USP30: variants seen among roughly 807,000 people sequenced by gnomAD.
USP30 encodes the protein ubiquitin specific peptidase 30.
In USP30, 41 loss-of-function variants were observed where a neutral mutation model predicts 68.2. That is an observed-to-expected ratio of 0.60 (90% confidence interval 0.47 to 0.78). The LOEUF is 0.78. Among genes scored for constraint, USP30 ranks in the 30% least tolerant of loss-of-function variants. USP30 has a pLI of 0.00. For synonymous variants in USP30, 229 were observed against 253.7 expected, an observed-to-expected ratio of 0.90 and a Z score of 0.93; for missense variants, 522 against 649.4, an observed-to-expected ratio of 0.80 and a Z score of 2.13.
intron 3 of USP30, among the ~76,000 whole-genome samples, chr12:109,044,244 G>A (rs1253293656): frequency 6.6e-6 from 1 of 151,908 alleles, no homozygotes; most frequent in Non-Finnish European, 1.5e-5. Context: ...TGTTTAACAG[G>A]TACAGAATTT....
intron 2 of USP30, among the ~76,000 whole-genome samples, chr12:109,026,749 T>A (rs1241337448): frequency 6.6e-6 from 1 of 152,118 alleles, no homozygotes; most frequent in African/African-American, 2.4e-5. Context: ...ATTACAGGTG[T>A]GAGCCACTAC....
chr12:109,067,414 G>A, intron 3 of USP30, 110 bp from the exon 4 acceptor site: 1 of 959,834 alleles, frequency 1.0e-6, no homozygotes, highest in Non-Finnish European at 1.6e-6. Flanking sequence ...ACCACACCCA[G>A]CCTGCGGTCT....
intron 3 of USP30, among the ~76,000 whole-genome samples, chr12:109,058,494 C>T (rs954992682): frequency 1.3e-5 from 2 of 151,942 alleles, no homozygotes; most frequent in Non-Finnish European, 2.9e-5. Flanking sequence ...ATCGCTTGAA[C>T]CCGGGAGGCG....
intron 3 of USP30, among the ~76,000 whole-genome samples, chr12:109,029,960 T>A (rs2047081997): frequency 6.6e-6 from 1 of 152,190 alleles, no homozygotes; most frequent in Non-Finnish European, 1.5e-5. Flanking sequence ...TCCTCTCCCA[T>A]CTGTACAACA....
chr12:109,048,717 G>A (rs755030621), upstream of USP30, among the ~76,000 whole-genome samples: 197 of 138,220 alleles, frequency 1.4e-3, 5 homozygotes, highest in Non-Finnish European at 2.0e-4. Flanking sequence ...TCCAGCCTGG[G>A]CAACAGAGTG....
chr12:109,046,349 G>A (rs956611780), intron 3 of USP30, among the ~76,000 whole-genome samples: 2 of 151,130 alleles, frequency 1.3e-5, no homozygotes, highest in African/African-American at 2.4e-5. Context: ...TCCTGACCTC[G>A]TGATCTGCCC....
intron 1 of USP30, chr12:109,054,017 ATCTG>A: frequency 2.2e-6 from 1 of 455,940 alleles, no homozygotes; most frequent in African/African-American, 2.0e-5. Flanking sequence ...TAGAACCTGC[ATCTG>A]TGGGGTTGTT....
rs1360954694 is a variant in USP30, at chr12:109,052,756, C to A, written c.78C>A (p.Ala26=). The A allele has an allele frequency of 4.8e-6, 7 of 1,450,934 alleles. No individual in the cohort carries two copies. The highest frequency in any genetic ancestry group is 3.0e-5 in the African/African-American group (2 of 67,386). 89.9% of individuals were successfully genotyped at this position (1,450,934 alleles called of 1,614,324 possible). The change falls in exon 1 of 13, where the codon GCC becomes GCA. Residue 26 remains alanine (A), a synonymous_variant. Transcript: ENST00000257548. ...AGCGCTTCCTGCGGACCGGGGCGGC[C>A]GTCAGGTGAGATTTTGGGGGGCGGG... ...AIQRFLRTGA[A]VRYKVMKNWG... is the part of the protein sequence containing the mutation.
intron 2 of USP30, 22 bp downstream of exon 2, chr12:109,056,813 C>G (rs756488757): frequency 6.4e-7 from 1 of 1,557,508 alleles, no homozygotes; most frequent in Non-Finnish European, 8.8e-7. Flanking sequence ...AACACTGCAT[C>G]ATGGTCTGTA....
intron 7 of USP30, among the ~76,000 whole-genome samples, chr12:109,080,812 A>G (rs1356094639): frequency 6.6e-6 from 1 of 152,210 alleles, no homozygotes; most frequent in Non-Finnish European, 1.5e-5. Flanking sequence ...ACAGTTGCTT[A>G]CAGCATTCAG....
At chr12:109,038,828 A>G (rs760061896) in intron 3 of USP30, among the ~76,000 whole-genome samples, 3 of 152,228 alleles carry the variant, frequency 2.0e-5, no homozygotes, top group African/African-American at 7.2e-5. Context: ...GTGGTATTAT[A>G]TAATGGTGTT....
chr12:109,084,949 G>T lies in USP30; in HGVS notation c.1169-4G>T. The T allele has an allele frequency of 6.4e-7, 1 of 1,571,476 alleles. No homozygotes were observed. Among genetic ancestry groups the T allele is most frequent in the Non-Finnish European group, 8.6e-7 (1 of 1,156,924 alleles). On this transcript the variant is annotated splice_region_variant and splice_polypyrimidine_tract_variant and intron_variant, in intron 11 of 12. Coordinates refer to ENST00000257548, the MANE Select transcript of USP30 (RefSeq NM_032663.5). The stretch of plus-strand genomic sequence containing the variant: ...TCATTGACTCGGGCCTTTTTCTCTT[G>T]CAGTTCTGAATCAGCCAGGGGCCCC...
In USP30 at chr12:109,082,869, A is replaced by G. The variant is rs756150308; in HGVS notation, c.975A>G (p.Leu325=). 2 of 1,614,176 alleles carry G rather than the reference A, an allele frequency of 1.2e-6. No individual in the cohort carries two copies. Among genetic ancestry groups the G allele is most frequent in the Non-Finnish European group, 8.5e-7 (1 of 1,179,998 alleles). The change falls in exon 11 of 13, where the codon CTA becomes CTG. Residue 325 remains leucine, a synonymous_variant. Coordinates refer to ENST00000257548, the MANE Select transcript of USP30 (RefSeq NM_032663.5). ...TCCCTCAGTGTCTCTGCATCCACCT[A>G]CAGCGGCTGAGCTGGTCCAGCCACG... ...GKLPQCLCIH[L]QRLSWSSHGT...
chr12:109,084,610 T>A (rs757839801), intron 11 of USP30, among the ~76,000 whole-genome samples: 8 of 152,222 alleles, frequency 5.3e-5, no homozygotes, highest in Non-Finnish European at 1.0e-4. Flanking sequence ...ACCATCATGG[T>A]GCTGCTGTTG....
intron 11 of USP30, among the ~76,000 whole-genome samples, chr12:109,084,575 C>T (rs571726191): frequency 5.9e-5 from 9 of 152,198 alleles, no homozygotes; most frequent in African/African-American, 1.4e-4. Context: ...GGACAGCCCC[C>T]GCAACAAAGA....
intron 1 of USP30, among the ~76,000 whole-genome samples, chr12:109,055,599 C>G (rs1438925707): frequency 2.0e-5 from 3 of 146,538 alleles, no homozygotes; most frequent in Admixed American, 7.0e-5. Context: ...AGGGTTTCAC[C>G]GTGTTGGCCA....
intron 7 of USP30, 93 bp downstream of exon 7, chr12:109,073,625 A>T: frequency 8.8e-7 from 1 of 1,142,850 alleles, no homozygotes; most frequent in Non-Finnish European, 1.3e-6. Flanking sequence ...GACATCGGTC[A>T]CTGGTGTTAG....
chr12:109,081,823 A>AT, intron 8 of USP30, 110 bp from the exon 9 acceptor site: 1 of 1,106,316 alleles, frequency 9.0e-7, no homozygotes, highest in Non-Finnish European at 1.4e-6. Flanking sequence ...ATAAAACTTT[A>AT]TTGCCTGCAT....
chr12:109,060,678 T>C (rs967164637), intron 3 of USP30, among the ~76,000 whole-genome samples: 10 of 152,166 alleles, frequency 6.6e-5, no homozygotes, highest in Non-Finnish European at 1.3e-4. Context: ...TTTTTTGAGA[T>C]GAGTCTCGTC....
Sources: gnomAD v4.1 joint callset for allele counts (sites outside exome capture counted in the v4.1 genomes callset) on GRCh38, gnomAD v4.1.1 for gene constraint, MANE v1.5 for transcripts, NCBI Gene and HGNC (gene_info 2026-07-23, HGNC 2026-07-21) for gene names.